Variants in HSPB8 observed in about 807,000 individuals in gnomAD.
HSPB8 encodes the protein heat shock protein family B (small) member 8, also known as heat shock protein beta-8.
HSPB8 carries 9 observed loss-of-function variants against 16.5 expected under a neutral mutation model. The observed-to-expected ratio is 0.55, with a 90% CI of 0.33 to 0.95. The LOEUF (loss-of-function observed/expected upper bound fraction) is 0.95, where lower values mean the gene tolerates loss of function less well. HSPB8 is among the 40% of genes least tolerant of loss of function. The pLI, the probability that HSPB8 is intolerant of heterozygous loss-of-function variation, is 0.03. For synonymous variants in HSPB8, 99 were observed against 94.8 expected (o/e 1.04, Z -0.26); for missense variants, 238 against 251.2 (o/e 0.95, Z 0.35).
intron 1 of HSPB8, 105 bp from the exon 2 acceptor site, chr12:119,186,920 C>T (rs1194472198): frequency 1.9e-6 from 2 of 1,071,354 alleles, no homozygotes; most frequent in Non-Finnish European, 2.9e-6. Context: ...AGGCCTAAGT[C>T]ACACAGCAAG....
chr12:119,186,832 C>A, intron 1 of HSPB8, 193 bp from the exon 2 acceptor site: 1 of 620,642 alleles, frequency 1.6e-6, no homozygotes, highest in Non-Finnish European at 2.9e-6. Flanking sequence ...CCTTCATAGC[C>A]AGCCTTGGAA....
intron 2 of HSPB8, among the ~76,000 whole-genome samples, chr12:119,189,475 C>T (rs1342464757): frequency 4.6e-5 from 7 of 152,192 alleles, no homozygotes; most frequent in African/African-American, 1.7e-4. Context: ...TGGTCCCCAA[C>T]CTTTTTGGCA....
At chr12:119,181,802 A>T (rs1954639640) in intron 1 of HSPB8, among the ~76,000 whole-genome samples, 1 of 152,306 alleles carries the variant, frequency 6.6e-6, no homozygotes, top group African/African-American at 2.4e-5. Flanking sequence ...CAGAATGGAG[A>T]CCATAATAAT....
At chr12:119,190,576 C>T (rs1005451253) in intron 2 of HSPB8, among the ~76,000 whole-genome samples, 5 of 152,146 alleles carry the variant, frequency 3.3e-5, no homozygotes, top group Non-Finnish European at 7.3e-5. Context: ...TTTGCAATAC[C>T]GTCATTCACA....
At chr12:119,184,062 G>A (rs930830129) in intron 1 of HSPB8, among the ~76,000 whole-genome samples, 1 of 152,174 alleles carries the variant, frequency 6.6e-6, no homozygotes, top group Admixed American at 6.5e-5. Flanking sequence ...GAAACTTAGA[G>A]ATGTGCCAGG....
intron 2 of HSPB8, among the ~76,000 whole-genome samples, chr12:119,188,638 G>A (rs75333990): frequency 0.026 from 3,947 of 152,250 alleles, 179 homozygotes; most frequent in African/African-American, 0.09. Flanking sequence ...GCAATACAGG[G>A]AAACTAAGTC....
At chr12:119,183,085 G>C in intron 1 of HSPB8, 1 of 152,194 alleles carries the variant, frequency 6.6e-6, no homozygotes, top group East Asian at 1.9e-4. Flanking sequence ...TAGGCATCTA[G>C]AAACAGGAGC....
intron 2 of HSPB8, among the ~76,000 whole-genome samples, chr12:119,187,635 G>T (rs918766078): frequency 1.6e-4 from 24 of 152,202 alleles, no homozygotes; most frequent in African/African-American, 5.8e-4. Context: ...TGGGATTAGA[G>T]GCTTGAGCCA....
In HSPB8 at chr12:119,179,631, C is replaced by G. The variant is rs146000958; in HGVS notation, c.319C>G (p.Pro107Ala). 1.9e-6 allele frequency: 3 copies of G among 1,596,528 alleles called. No individual in the cohort carries two copies. In the African/African-American group the frequency reaches 4.0e-5, roughly 22 times the overall value. ...KVCVNVHSFKPEELMVKTKDG... is the reference protein window; with the variant it reads ...KVCVNVHSFKAEELMVKTKDG... ...GTGTGTGAATGTGCACAGCTTCAAG[C>G]CAGAGGAGTTGATGGTGAAGACCAA... The change falls in exon 1 of 3, where the codon CCA (proline) becomes GCA (alanine). Residue 107 changes from proline to alanine, a missense_variant. Coordinates refer to ENST00000281938, the MANE Select transcript of HSPB8 (RefSeq NM_014365.3).
intron 1 of HSPB8, among the ~76,000 whole-genome samples, chr12:119,185,471 C>T (rs1181132406): frequency 2.0e-5 from 3 of 152,074 alleles, no homozygotes; most frequent in Non-Finnish European, 4.4e-5. Context: ...GTAGCTGGGA[C>T]TATAGGCACG....
At chr12:119,181,156 T>A (rs1244882964) in intron 1 of HSPB8, among the ~76,000 whole-genome samples, 1 of 152,240 alleles carries the variant, frequency 6.6e-6, no homozygotes, top group Non-Finnish European at 1.5e-5. Context: ...CCAGAAAATC[T>A]GAGACAGATC....
At position 119,179,609 on chromosome 12, in the gene HSPB8, T is replaced by C. The variant is rs1448722290; in HGVS notation, c.297T>C (p.Cys99=). ...PPFPGEPWKV[C]VNVHSFKPEE... ...TCCCTGGGGAGCCCTGGAAAGTGTG[T>C]GTGAATGTGCACAGCTTCAAGCCAG... Residue 99 remains cysteine, a synonymous_variant, in exon 1 of 3, where the codon TGT becomes TGC. Transcript: ENST00000281938. The C allele has an allele frequency of 6.8e-6, 11 of 1,607,066 alleles. No homozygotes were observed. Among genetic ancestry groups the C allele is most frequent in the Non-Finnish European group, 9.4e-6 (11 of 1,176,452 alleles).
intron 1 of HSPB8, chr12:119,186,663 C>T (rs1954677909): frequency 3.3e-6 from 1 of 307,024 alleles, no homozygotes; most frequent in Non-Finnish European, 6.3e-6. Context: ...GTTCTACTGG[C>T]AGGTTAGAGA....
chr12:119,193,197 T>C (rs1470551286), intron 2 of HSPB8, among the ~76,000 whole-genome samples: 2 of 152,196 alleles, frequency 1.3e-5, no homozygotes, highest in Non-Finnish European at 2.9e-5. Flanking sequence ...TGCATCACCA[T>C]TAATGCATTT....
chr12:119,191,694 G>A lies in HSPB8; in HGVS notation c.432-2005G>A, dbSNP rs752454736. Among the ~76,000 whole-genome samples the A allele has an allele frequency of 5.9e-5, 9 of 152,174 alleles. No homozygotes were observed. The South Asian group carries it at 1.7e-3, about 28-fold the overall frequency. ...CCTTGGTTCTTTCATCAAGACCCTCGTATTTACAATAGGCAGAGCCAGCAG... is the reference window on the plus strand; with the variant it reads ...CCTTGGTTCTTTCATCAAGACCCTCATATTTACAATAGGCAGAGCCAGCAG... On this transcript the variant is annotated intron_variant, in intron 2 of 2. Transcript: ENST00000281938.
At chr12:119,188,653 A>T (rs1954692332) in intron 2 of HSPB8, among the ~76,000 whole-genome samples, 1 of 152,168 alleles carries the variant, frequency 6.6e-6, no homozygotes, top group African/African-American at 2.4e-5. Flanking sequence ...TAAGTCTCCC[A>T]CAGGTGAAAG....
chr12:119,193,667 A>G, intron 2 of HSPB8, 32 bp from the exon 3 acceptor site: 1 of 1,610,764 alleles, frequency 6.2e-7, no homozygotes, highest in Non-Finnish European at 8.5e-7. Flanking sequence ...TATTAACAAC[A>G]ATAAATGAAT....
chr12:119,185,044 G>A (rs1409903418), intron 1 of HSPB8, among the ~76,000 whole-genome samples: 1 of 151,994 alleles, frequency 6.6e-6, no homozygotes, highest in Non-Finnish European at 1.5e-5. Flanking sequence ...ACATTTCTGA[G>A]AAACATAGAA....
chr12:119,188,026 C>A (rs1038262571), intron 2 of HSPB8, among the ~76,000 whole-genome samples: 2 of 152,046 alleles, frequency 1.3e-5, no homozygotes, highest in African/African-American at 4.8e-5. Context: ...CTGGGGGAAC[C>A]GTGAGAGCAG....
Sources: allele counts gnomAD v4.1 joint callset (sites outside exome capture counted in the v4.1 genomes callset), GRCh38; gene constraint gnomAD v4.1.1; transcripts MANE v1.5; gene names NCBI Gene and HGNC (gene_info 2026-07-23, HGNC 2026-07-21).